Variants in CELF2 observed in about 807,000 individuals in gnomAD.
CELF2 encodes CUG triplet repeat RNA-binding protein 2.
Under a neutral mutation model 62.6 loss-of-function variants are expected in CELF2, and 8 were observed. That is an observed-to-expected ratio of 0.13 (90% CI 0.07 to 0.23). The LOEUF is 0.23. Ranked by LOEUF, CELF2 falls within the 10% of genes least tolerant of loss-of-function variation. CELF2 has a pLI of 1.00. For missense variants in CELF2, 333 were observed against 671.0 expected (o/e 0.50, Z 5.56); for synonymous variants, 258 against 250.0 (o/e 1.03, Z -0.30).
intron 1 of CELF2, among the ~76,000 whole-genome samples, chr10:10,908,547 A>G (rs1273144168): frequency 6.6e-6 from 1 of 152,064 alleles, no homozygotes; most frequent in Non-Finnish European, 1.5e-5. Context: ...ACATAAATAA[A>G]TACACTGTTG....
chr10:10,786,023 G>GA, the CELF2 span, among the ~76,000 whole-genome samples: 4 of 151,818 alleles, frequency 2.6e-5, no homozygotes, highest in Admixed American at 6.6e-5. Context: ...TTGTCAATTA[G>GA]AAAAAAACTA....
At chr10:11,172,923 TG>T (rs796736483) in intron 2 of CELF2, among the ~76,000 whole-genome samples, 24 of 152,292 alleles carry the variant, frequency 1.6e-4, no homozygotes, top group African/African-American at 5.3e-4. Context: ...CAGACTTCTT[TG>T]GTAGAAATGT....
At chr10:11,109,172 T>C (rs952982470) in intron 1 of CELF2, among the ~76,000 whole-genome samples, 6 of 152,240 alleles carry the variant, frequency 3.9e-5, no homozygotes, top group Non-Finnish European at 5.9e-5. Context: ...CTGTTGCTCC[T>C]GTGGCAGTAA....
At chr10:11,245,860 C>T (rs1485480953) in intron 3 of CELF2, among the ~76,000 whole-genome samples, 2 of 152,148 alleles carry the variant, frequency 1.3e-5, no homozygotes, top group South Asian at 2.1e-4. Context: ...CTCATATGGC[C>T]AAGTCCCACA....
chr10:11,055,119 A>G (rs1326905375), intron 1 of CELF2, among the ~76,000 whole-genome samples: 1 of 152,240 alleles, frequency 6.6e-6, no homozygotes, highest in Non-Finnish European at 1.5e-5. Context: ...TCATGTGTTA[A>G]TGTATTATTC....
At chr10:10,562,876 G>A in the CELF2 span, among the ~76,000 whole-genome samples, 1 of 135,468 alleles carries the variant, frequency 7.4e-6, no homozygotes. Context: ...CTTGCCATGG[G>A]GCAGTAACTA....
chr10:10,590,273 A>T, the CELF2 span, among the ~76,000 whole-genome samples: 1 of 152,180 alleles, frequency 6.6e-6, no homozygotes, highest in Middle Eastern at 3.2e-3. Context: ...TGGGGTCAAG[A>T]AAAGATTGGC....
At chr10:10,658,781 G>C in the CELF2 span, among the ~76,000 whole-genome samples, 1 of 151,478 alleles carries the variant, frequency 6.6e-6, no homozygotes, top group Non-Finnish European at 1.5e-5. Context: ...ATTTTAACTG[G>C]CCTGATAGAA....
the CELF2 span, among the ~76,000 whole-genome samples, chr10:10,484,495 TTAG>T: frequency 1.9e-4 from 29 of 149,806 alleles, no homozygotes; most frequent in East Asian, 1.2e-3. Flanking sequence ...TTTTGTATTT[TTAG>T]TAGAGACGGA....
intron 3 of CELF2, among the ~76,000 whole-genome samples, chr10:11,245,536 T>TCC (rs1398608915): frequency 6.6e-6 from 1 of 152,196 alleles, no homozygotes; most frequent in East Asian, 1.9e-4. Context: ...AGTTGATTTT[T>TCC]CCCCTGCTGA....
At chr10:10,669,617 T>C in the CELF2 span, among the ~76,000 whole-genome samples, 3 of 152,230 alleles carry the variant, frequency 2.0e-5, no homozygotes, top group African/African-American at 7.2e-5. Context: ...CATAAGGGGA[T>C]AAAAGCCTAC....
chr10:10,759,621 C>A, the CELF2 span, among the ~76,000 whole-genome samples: 1 of 151,988 alleles, frequency 6.6e-6, no homozygotes, highest in South Asian at 2.1e-4. Flanking sequence ...GTGTCCATTT[C>A]TCTAATCAGC....
chr10:11,140,305 A>G (rs2061122859), intron 1 of CELF2, among the ~76,000 whole-genome samples: 1 of 152,158 alleles, frequency 6.6e-6, no homozygotes, highest in Non-Finnish European at 1.5e-5. Flanking sequence ...CAGTAGCGCA[A>G]TCATAGCTCA....
At chr10:10,633,452 T>A in the CELF2 span, among the ~76,000 whole-genome samples, 1 of 152,208 alleles carries the variant, frequency 6.6e-6, no homozygotes, top group African/African-American at 2.4e-5. Context: ...GTGTTTCCAT[T>A]TCCAACTGTT....
Position 11,314,562 on chromosome 10 carries a change from C to T in CELF2, c.1096+304C>T, listed in dbSNP as rs901661852. ...CCAGGAGTTTGGTTTGGTTTGGTTTCGGTCGGTTCTGTCCTGCGAGGCAGG... is the reference window on the plus strand; with the variant it reads ...CCAGGAGTTTGGTTTGGTTTGGTTTTGGTCGGTTCTGTCCTGCGAGGCAGG... On this transcript the variant is annotated intron_variant, in intron 10 of 12. Transcript: ENST00000633077. The surrounding 1 kb of genome is among the most constrained non-coding windows in gnomAD (Gnocchi z 5.3). 10 of 428,286 alleles carry T rather than the reference C, an allele frequency of 2.3e-5. No individual in the cohort carries two copies. Among genetic ancestry groups the T allele is most frequent in the Non-Finnish European group, 3.5e-5 (8 of 227,212 alleles). The allele number at this position is 428,286 out of a possible 1,614,324, so 26.5% of individuals were successfully genotyped here. A position where few individuals can be genotyped will look rare whatever the true frequency, so the allele number is the denominator to read the frequency against.
chr10:10,581,676 T>C, the CELF2 span, among the ~76,000 whole-genome samples: 109 of 152,276 alleles, frequency 7.2e-4, no homozygotes, highest in Middle Eastern at 6.8e-3. Flanking sequence ...GAAAATCAAA[T>C]AACTAATGTG....
Position 10,983,506 on chromosome 10 carries a change from C to G in CELF2, c.89+63507C>G, listed in dbSNP as rs939479073. On this transcript the variant is annotated intron_variant, in intron 2 of 13. Coordinates refer to the CELF2 transcript ENST00000636488. This position sits in a 1 kb window ranked among gnomAD's most constrained non-coding sequence, Gnocchi z 5.2. ...TCAGTCTGTAATTTTTACTGAGTCC[C>G]TACAAAGGCCTTATGCTATGATGGG... Among the ~76,000 whole-genome samples the G allele has an allele frequency of 3.3e-5, 5 of 152,142 alleles. No individual in the cohort carries two copies. Among genetic ancestry groups the G allele is most frequent in the Non-Finnish European group, 7.4e-5 (5 of 68,022 alleles).
intron 1 of CELF2, among the ~76,000 whole-genome samples, chr10:11,162,290 G>T (rs758789362): frequency 6.6e-6 from 1 of 152,174 alleles, no homozygotes; most frequent in African/African-American, 2.4e-5. Context: ...TTTCGGCAGC[G>T]CCAGGAGAGA....
intron 2 of CELF2, among the ~76,000 whole-genome samples, chr10:10,939,630 G>A (rs898854643): frequency 2.0e-5 from 3 of 151,838 alleles, no homozygotes; most frequent in Non-Finnish European, 2.9e-5. Context: ...ATGAAGGGAG[G>A]GAAGGAGAAA....
Sources: allele counts gnomAD v4.1 joint callset (sites outside exome capture counted in the v4.1 genomes callset), GRCh38; gene constraint gnomAD v4.1.1; non-coding constraint Gnocchi (gnomAD v3.1); transcripts MANE v1.5; gene names NCBI Gene and HGNC (gene_info 2026-07-23, HGNC 2026-07-21).